Variants in SLC25A12 observed in about 807,000 individuals in gnomAD.
The protein encoded by SLC25A12 is solute carrier family 25 member 12.
Under a neutral mutation model 83.3 loss-of-function variants are expected in SLC25A12, and 32 were observed. The ratio of observed to expected loss-of-function variants is 0.38; its 90% CI spans 0.29 to 0.52. The LOEUF is 0.52. Among genes scored for constraint, SLC25A12 ranks in the 20% least tolerant of loss-of-function variants. SLC25A12 has a pLI of 0.84. For synonymous variants in SLC25A12, 267 were observed against 291.1 expected, an observed-to-expected ratio of 0.92 and a Z score of 0.84; for missense variants, 611 against 835.6, an observed-to-expected ratio of 0.73 and a Z score of 3.31.
At chr2:171,830,715 A>C (rs1684414836) in intron 8 of SLC25A12, among the ~76,000 whole-genome samples, 1 of 152,080 alleles carries the variant, frequency 6.6e-6, no homozygotes, top group Non-Finnish European at 1.5e-5. Flanking sequence ...GGGTTTCACT[A>C]TGTTGGCCAC....
rs775552321 is a variant in SLC25A12 at position 171,793,591 on chromosome 2, A to G, written c.1446+36T>C. ...AAGTCTGGTTTCCACATTCTTTCAT[A>G]TTTTATTGAGTACATTATAACCTAA... On this transcript the variant is annotated intron_variant, in intron 14 of 17. Transcript: ENST00000422440. 6.7e-5 allele frequency: 108 copies of G among 1,605,666 alleles called. 3 individuals carry two copies. The South Asian group carries it at 8.1e-4, about 12-fold the overall frequency.
At chr2:171,799,694 C>A (rs1414511382) in intron 13 of SLC25A12, among the ~76,000 whole-genome samples, 1 of 152,196 alleles carries the variant, frequency 6.6e-6, no homozygotes. Flanking sequence ...TTCGGCATAA[C>A]CATTCCATTC....
intron 8 of SLC25A12, among the ~76,000 whole-genome samples, chr2:171,827,893 C>A (rs12692976): frequency 0.56 from 84,426 of 151,720 alleles, 23,917 homozygotes; most frequent in Middle Eastern, 0.64. Context: ...CCTTCATTTG[C>A]GGGCACAGGC....
At chr2:171,863,584 A>AG (rs1685216503) in intron 3 of SLC25A12, among the ~76,000 whole-genome samples, 4 of 152,048 alleles carry the variant, frequency 2.6e-5, no homozygotes, top group African/African-American at 9.7e-5. Context: ...AACTCAGCCT[A>AG]GGAGAACCAC....
intron 13 of SLC25A12, among the ~76,000 whole-genome samples, chr2:171,808,199 G>GGTCCAAAGCCAAC (rs113308418): frequency 6.7e-6 from 1 of 149,602 alleles, no homozygotes; most frequent in Non-Finnish European, 1.5e-5. Flanking sequence ...TTTAAGAATT[G>GGTCCAAAGCCAAC]GTCATGCTTA....
At chr2:171,835,772 GAGC>G (rs766007865) in intron 6 of SLC25A12, among the ~76,000 whole-genome samples, 17 of 152,230 alleles carry the variant, frequency 1.1e-4, no homozygotes, top group African/African-American at 2.6e-4. Context: ...AGGTAATGAT[GAGC>G]AAATATATCC....
Position 171,894,210 on chromosome 2 carries a change from G to C in SLC25A12, c.5C>G (p.Ala2Gly). ...GCAGAGAGTTGGAGTCACCTTGACC[G>C]CCATGCTGTGCTCGGAAGCCGGGGA... Reference protein sequence around the residue: MAVKVQTTKRGD... With the variant: MGVKVQTTKRGD... Residue 2 changes from alanine (A) to glycine (G), a missense_variant, in exon 1 of 18, where the codon GCG becomes GGG. Physicochemically the swap from Ala to Gly is moderately conservative, Grantham distance 60. Transcript: ENST00000422440. The C allele has an allele frequency of 6.2e-7, 1 of 1,608,796 alleles. No homozygotes were observed. Among genetic ancestry groups the C allele is most frequent in the African/African-American group, 1.3e-5 (1 of 74,874 alleles).
chr2:171,862,409 GCTTTTA>G lies in SLC25A12; in HGVS notation c.209+6266_209+6271del, dbSNP rs1685181683. Among the ~76,000 whole-genome samples the G allele has an allele frequency of 2.6e-5, 4 of 152,266 alleles. No individual in the cohort carries two copies. The South Asian group carries it at 8.3e-4, about 32-fold the overall frequency. On this transcript the variant is annotated intron_variant, in intron 3 of 17. Transcript: ENST00000422440. ...TCCCACAAATAATACTTGGCTAATG[GCTTTTA>G]CTTTTAGACAACTGATTGTGCTATT...
chr2:171,838,019 A>G (rs1194422619), intron 5 of SLC25A12, among the ~76,000 whole-genome samples: 3 of 152,220 alleles, frequency 2.0e-5, no homozygotes, highest in African/African-American at 7.2e-5. Context: ...TGTGTACTAT[A>G]CAAAAGTCAA....
At chr2:171,816,896 T>G (rs1684059844) in intron 9 of SLC25A12, among the ~76,000 whole-genome samples, 1 of 152,200 alleles carries the variant, frequency 6.6e-6, no homozygotes. Flanking sequence ...CCAAAATTCA[T>G]GTGTTGAGAC....
intron 13 of SLC25A12, among the ~76,000 whole-genome samples, chr2:171,809,039 C>CT (rs1379468806): frequency 6.6e-6 from 1 of 152,096 alleles, no homozygotes; most frequent in Non-Finnish European, 1.5e-5. Context: ...GGAACTCATC[C>CT]TTTTTTATGG....
intron 8 of SLC25A12, among the ~76,000 whole-genome samples, chr2:171,829,304 A>G (rs534177183): frequency 2.6e-5 from 4 of 152,324 alleles, no homozygotes; most frequent in African/African-American, 7.2e-5. Context: ...CCATATGTGC[A>G]GGCCTTCATG....
intron 4 of SLC25A12, among the ~76,000 whole-genome samples, chr2:171,854,155 G>A (rs1267872335): frequency 6.6e-6 from 1 of 152,220 alleles, no homozygotes; most frequent in African/African-American, 2.4e-5. Flanking sequence ...GAGGGTTTGT[G>A]CCTTAAACTA....
chr2:171,852,713 T>C (rs1240459411), intron 4 of SLC25A12: 8 of 454,384 alleles, frequency 1.8e-5, no homozygotes, highest in African/African-American at 1.0e-4. Context: ...TCGAAGTTAA[T>C]TACTTCCTTA....
At chr2:171,880,644 A>G (rs1056628082) in intron 2 of SLC25A12, among the ~76,000 whole-genome samples, 6 of 152,222 alleles carry the variant, frequency 3.9e-5, no homozygotes, top group African/African-American at 1.4e-4. Context: ...GGTTTGGGGT[A>G]CAAATGATCC....
At chr2:171,881,595 G>C (rs761345545) in intron 2 of SLC25A12, among the ~76,000 whole-genome samples, 4 of 152,096 alleles carry the variant, frequency 2.6e-5, no homozygotes, top group African/African-American at 4.8e-5. Context: ...ATTGGCTTTT[G>C]GGGTAGAGCT....
At chr2:171,882,989 A>G (rs1219915998) in intron 2 of SLC25A12, among the ~76,000 whole-genome samples, 2 of 152,232 alleles carry the variant, frequency 1.3e-5, no homozygotes, top group Non-Finnish European at 2.9e-5. Context: ...GACTGTGACT[A>G]TACAACATCT....
intron 8 of SLC25A12, among the ~76,000 whole-genome samples, chr2:171,833,025 T>C (rs1353433753): frequency 6.6e-6 from 1 of 152,172 alleles, no homozygotes; most frequent in African/African-American, 2.4e-5. Context: ...GGCCAGCCCA[T>C]TGTTAATAAT....
chr2:171,877,203 A>G (rs935409616), intron 2 of SLC25A12, among the ~76,000 whole-genome samples: 3 of 152,230 alleles, frequency 2.0e-5, no homozygotes, highest in African/African-American at 7.2e-5. Context: ...GATGTGTATC[A>G]TAATTACACT....
Sources: gnomAD v4.1 joint callset for allele counts (sites outside exome capture counted in the v4.1 genomes callset) on GRCh38, gnomAD v4.1.1 for gene constraint, MANE v1.5 for transcripts, NCBI Gene and HGNC (gene_info 2026-07-23, HGNC 2026-07-21) for gene names.